The following STK11IP variants were observed in gnomAD, a reference collection of about 807,000 sequenced individuals.
STK11IP encodes serine/threonine-protein kinase 11-interacting protein.
Under a neutral mutation model 131.7 loss-of-function variants are expected in STK11IP, and 103 were observed. The ratio of observed to expected loss-of-function variants is 0.78; its 90% confidence interval spans 0.67 to 0.92. The LOEUF (loss-of-function observed/expected upper bound fraction) is 0.92, where lower values mean the gene tolerates loss of function less well. Ranked by LOEUF, STK11IP falls within the 40% of genes least tolerant of loss-of-function variation. The pLI is 0.00. For synonymous variants in STK11IP, 557 were observed against 575.6 expected (o/e 0.97, Z 0.46); for missense variants, 1,315 against 1,385.7 (o/e 0.95, Z 0.81).
At chr2:219,607,208 A>C in intron 13 of STK11IP, 71 bp downstream of exon 13, 2 of 1,423,834 alleles carry the variant, frequency 1.4e-6, no homozygotes, top group Non-Finnish European at 2.0e-6. Context: ...GTTACAGTGA[A>C]GATCTGCTGG....
intron 7 of STK11IP, among the ~76,000 whole-genome samples, chr2:219,604,012 G>A (rs973144961): frequency 1.3e-5 from 2 of 152,164 alleles, no homozygotes; most frequent in Non-Finnish European, 2.9e-5. Context: ...AGAAGTGGAG[G>A]TTGATTCACA....
Position 219,598,082 on chromosome 2 carries a change from T to TC in STK11IP, c.-26-12_-26-11insC, listed in dbSNP as rs778653107. ...CACCTGAGGCTCTTCCGCTTCCTCT[T>TC]TCCCCCCCCAGGCTCCGCCCCCCAG... On this transcript the variant is annotated splice_polypyrimidine_tract_variant and intron_variant, in intron 1 of 24. Transcript: ENST00000456909. 1.3e-6 allele frequency: 2 copies of TC among 1,579,316 alleles called. No individual in the cohort carries two copies. The highest frequency in any genetic ancestry group is 1.7e-6 in the Non-Finnish European group (2 of 1,163,656).
rs756736924 is a variant in STK11IP, at chr2:219,609,582, C to T, written c.2104+42C>T. ...TGACCTCTCTGCCCACACGCCTCCC[C>T]TGTTCCAGGGAAAGTGGCTCTGTGT... is the stretch of plus-strand genomic sequence containing the variant. On this transcript the variant is annotated intron_variant, in intron 17 of 24. Transcript: ENST00000456909. The T allele has an allele frequency of 5.8e-6, 9 of 1,550,122 alleles. No homozygotes were observed. In the South Asian group the frequency reaches 6.0e-5, roughly 10 times the overall value.
In STK11IP at chr2:219,602,067, G is replaced by T; in HGVS notation, c.422G>T (p.Ser141Ile). The change falls in exon 5 of 25, where the codon AGC becomes ATC. Residue 141 changes from serine (S) to isoleucine (I), a missense_variant. By Grantham distance (142) the Ser-to-Ile change is moderately radical. Coordinates refer to ENST00000456909, the MANE Select transcript of STK11IP (RefSeq NM_052902.4). ...CTGGAGACCCTGATTTGCAGCAGGA[G>T]CCTCCAGGCATTAGAGGTAAGGAGA... is the stretch of plus-strand genomic sequence containing the variant. ...SQLETLICSR[S>I]LQALEELLSA... 6.2e-7 allele frequency: 1 copy of T among 1,606,622 alleles called. No individual in the cohort carries two copies.
At chr2:219,611,541 G>C in intron 17 of STK11IP, 63 bp from the exon 18 acceptor site, 1 of 1,355,604 alleles carries the variant, frequency 7.4e-7, no homozygotes, top group Non-Finnish European at 1.1e-6. Context: ...AGCATCGTGA[G>C]CATGGTGGGA....
rs1450572409 is a variant in STK11IP, at chr2:219,608,800, G to A, written c.1809+12G>A. On this transcript the variant is annotated intron_variant, in intron 15 of 24. Coordinates refer to ENST00000456909, the MANE Select transcript of STK11IP (RefSeq NM_052902.4). ...CGCCCAGGCCCACGGTGAGTGGGGC[G>A]TGGCAGGGTCTCTGGAGGAGCCAGT... 10 of 1,585,066 alleles carry A rather than the reference G, an allele frequency of 6.3e-6. No homozygotes were observed. The highest frequency in any genetic ancestry group is 5.4e-5 in the African/African-American group (4 of 74,320).
At chr2:219,610,763 C>T (rs1698370773) in intron 17 of STK11IP, among the ~76,000 whole-genome samples, 1 of 152,176 alleles carries the variant, frequency 6.6e-6, no homozygotes, top group African/African-American at 2.4e-5. Flanking sequence ...TGAACTCACC[C>T]CATGGTGCTG....
chr2:219,614,292 A>C (rs947399098), intron 22 of STK11IP, 50 bp downstream of exon 22: 1 of 1,603,184 alleles, frequency 6.2e-7, no homozygotes, highest in Non-Finnish European at 8.5e-7. Flanking sequence ...TCCTCTTTCC[A>C]CAGAGCCCCA....
Position 219,601,790 on chromosome 2 carries a change from G to A in STK11IP, c.342+75G>A, listed in dbSNP as rs187628461. 1.0e-3 allele frequency: 1,541 copies of A among 1,502,504 alleles called. 9 individuals carry two copies. In the African/African-American group the frequency reaches 0.018, roughly 18 times the overall value. 93.1% of individuals were successfully genotyped at this position (1,502,504 alleles called of 1,614,324 possible). ...CCCCTTGGGGATGGGAAAGAGAAGA[G>A]CCTCTTTGGTGAGGAGGCCAGGCCT... is the stretch of plus-strand genomic sequence containing the variant. On this transcript the variant is annotated intron_variant, in intron 4 of 24. Transcript: ENST00000456909.
rs1413520186 is a variant in STK11IP, at chr2:219,602,084, G to A, written c.438+1G>A. The stretch of plus-strand genomic sequence containing the variant: ...CAGCAGGAGCCTCCAGGCATTAGAG[G>A]TAAGGAGAGTGAGGGGTGAGCTCAG... On this transcript the variant is annotated splice_donor_variant, in intron 5 of 24. Coordinates refer to ENST00000456909, the MANE Select transcript of STK11IP (RefSeq NM_052902.4). LOFTEE classifies it high-confidence loss of function. The A allele has an allele frequency of 1.9e-6, 3 of 1,597,342 alleles. No homozygotes were observed. The Admixed American group carries it at 5.2e-5, about 28-fold the overall frequency.
intron 7 of STK11IP, 22 bp from the exon 8 acceptor site, chr2:219,605,586 T>C: frequency 6.4e-7 from 1 of 1,551,408 alleles, no homozygotes; most frequent in African/African-American, 1.4e-5. Context: ...GATAATCTTT[T>C]TCTCCCCTGT....
chr2:219,602,357 A>G, intron 5 of STK11IP, 111 bp from the exon 6 acceptor site: 1 of 828,300 alleles, frequency 1.2e-6, no homozygotes, highest in Non-Finnish European at 1.9e-6. Flanking sequence ...CTGTATCTTC[A>G]GATGGAGTTC....
chr2:219,614,306 A>G (rs768626467), intron 22 of STK11IP, 64 bp downstream of exon 22: 30 of 1,590,412 alleles, frequency 1.9e-5, no homozygotes, highest in African/African-American at 1.7e-4. Flanking sequence ...AGCCCCAGAC[A>G]TGGCCCTGTG....
intron 10 of STK11IP, 32 bp from the exon 11 acceptor site, chr2:219,606,444 C>T (rs1698163666): frequency 1.2e-6 from 2 of 1,604,704 alleles, no homozygotes; most frequent in Admixed American, 1.7e-5. Flanking sequence ...GGGCCTACCA[C>T]ATACTCCCTC....
chr2:219,615,480 G>T, intron 24 of STK11IP, 139 bp downstream of exon 24: 1 of 1,211,978 alleles, frequency 8.3e-7, no homozygotes. Context: ...AGAGAACTAG[G>T]GTTGGAGGAA....
chr2:219,608,896 A>T, intron 15 of STK11IP, 108 bp downstream of exon 15: 3 of 1,277,306 alleles, frequency 2.3e-6, no homozygotes, highest in Non-Finnish European at 3.2e-6. Flanking sequence ...TGGCACTAGG[A>T]GCCGAGGAGG....
intron 2 of STK11IP, among the ~76,000 whole-genome samples, chr2:219,600,525 AT>A (rs1697952073): frequency 6.6e-6 from 1 of 152,172 alleles, no homozygotes; most frequent in African/African-American, 2.4e-5. Flanking sequence ...TACTTATTAT[AT>A]TTTTTAAGCC....
rs1329826155 is a variant in STK11IP at position 219,608,923 on chromosome 2, C to T, written c.1809+135C>T. ...CCGAGGAGGGGAGCCTCAGAGGTTGCAAGCACTCGGGAAGCTGGGCTGAGG... is the reference window on the plus strand; with the variant it reads ...CCGAGGAGGGGAGCCTCAGAGGTTGTAAGCACTCGGGAAGCTGGGCTGAGG... On this transcript the variant is annotated intron_variant, in intron 15 of 24. Coordinates refer to ENST00000456909, the MANE Select transcript of STK11IP (RefSeq NM_052902.4). The T allele has an allele frequency of 3.2e-5, 38 of 1,177,080 alleles. No homozygotes were observed. In the East Asian group the frequency reaches 9.7e-4, roughly 30 times the overall value. 72.9% of individuals were successfully genotyped at this position (1,177,080 alleles called of 1,614,324 possible). A position where few individuals can be genotyped will look rare whatever the true frequency, so the allele number is the denominator to read the frequency against.
rs563997887 is a variant in STK11IP at position 219,616,020 on chromosome 2, C to G, written c.3118-24C>G. On this transcript the variant is annotated intron_variant, in intron 24 of 24. Coordinates refer to ENST00000456909, the MANE Select transcript of STK11IP (RefSeq NM_052902.4). ...CTGGTGTGGTCCCCATGAGCCTCGC[C>G]TTGCTAACTGCTCGGTCTGCCAGGT... 4.1e-5 allele frequency: 66 copies of G among 1,611,226 alleles called. No individual in the cohort carries two copies. The East Asian group carries it at 1.4e-3, about 34-fold the overall frequency.
Sources: allele counts gnomAD v4.1 joint callset (sites outside exome capture counted in the v4.1 genomes callset), GRCh38; gene constraint gnomAD v4.1.1; transcripts MANE v1.5; gene names NCBI Gene and HGNC (gene_info 2026-07-23, HGNC 2026-07-21).